Variants in TRAK1 observed in about 807,000 individuals in gnomAD.
TRAK1 encodes trafficking kinesin protein 1.
A neutral mutation model predicts 92.1 loss-of-function variants in TRAK1; 33 were observed. That is an observed-to-expected ratio of 0.36 (90% CI 0.27 to 0.48). The LOEUF (loss-of-function observed/expected upper bound fraction) is 0.48, where lower values mean the gene tolerates loss of function less well. Ranked by LOEUF, TRAK1 falls within the 20% of genes least tolerant of loss-of-function variation. TRAK1 has a pLI of 0.99. For synonymous variants in TRAK1, 521 were observed against 517.3 expected, an observed-to-expected ratio of 1.01 and a Z score of -0.10; for missense variants, 1,123 against 1,257.9, an observed-to-expected ratio of 0.89 and a Z score of 1.62.
chr3:42,031,509 C>T (rs994668708), intron 1 of TRAK1, among the ~76,000 whole-genome samples: 1 of 87,932 alleles, frequency 1.1e-5, no homozygotes, highest in African/African-American at 3.2e-5. Context: ...TGGTGTGCGC[C>T]TGTAGTCCTA....
At chr3:42,110,920 T>C (rs1348469499) in intron 1 of TRAK1, among the ~76,000 whole-genome samples, 2 of 152,190 alleles carry the variant, frequency 1.3e-5, no homozygotes, top group Non-Finnish European at 2.9e-5. Flanking sequence ...GCTCTGGCCC[T>C]GAGCAGACCC....
chr3:42,124,864 G>T (rs759755204), intron 1 of TRAK1, among the ~76,000 whole-genome samples: 2 of 152,198 alleles, frequency 1.3e-5, no homozygotes, highest in Non-Finnish European at 2.9e-5. Flanking sequence ...AGTGTTTCAA[G>T]GGCAGGACCA....
chr3:42,068,051 A>G (rs1703756629), intron 1 of TRAK1, among the ~76,000 whole-genome samples: 1 of 151,842 alleles, frequency 6.6e-6, no homozygotes, highest in South Asian at 2.1e-4. Flanking sequence ...GGTGCCTGTA[A>G]TGGGAGGCTG....
At chr3:42,189,889 C>T (rs1346662528) in intron 6 of TRAK1, among the ~76,000 whole-genome samples, 2 of 152,172 alleles carry the variant, frequency 1.3e-5, no homozygotes, top group Admixed American at 6.5e-5. Flanking sequence ...AACTTGGGGA[C>T]TCATGCTTTT....
At chr3:42,023,807 G>A (rs556367574) in intron 1 of TRAK1, among the ~76,000 whole-genome samples, 1 of 137,050 alleles carries the variant, frequency 7.3e-6, no homozygotes, top group East Asian at 2.3e-4. Context: ...AGGCTGGAGT[G>A]CAGTGGCACA....
intron 4 of TRAK1, among the ~76,000 whole-genome samples, chr3:42,185,973 CTTTTTTTTTTTTTT>C (rs1054954407): frequency 1.9e-4 from 16 of 83,978 alleles, no homozygotes; most frequent in Admixed American, 3.1e-4. Flanking sequence ...TGTGCCCAGC[CTTTTTTTTTTTTTT>C]TTTTTTTTTT....
At chr3:42,019,528 G>A (rs1379049627) in intron 1 of TRAK1, among the ~76,000 whole-genome samples, 8 of 152,190 alleles carry the variant, frequency 5.3e-5, no homozygotes, top group South Asian at 4.2e-4. Flanking sequence ...TTGGCCTCCC[G>A]AAGTACTGGG....
At chr3:42,064,993 T>C (rs909325580) in intron 1 of TRAK1, among the ~76,000 whole-genome samples, 3 of 151,726 alleles carry the variant, frequency 2.0e-5, no homozygotes, top group African/African-American at 7.3e-5. Context: ...AGGAGAATGG[T>C]GTGAATCCGG....
intron 1 of TRAK1, among the ~76,000 whole-genome samples, chr3:42,108,595 A>C (rs148744680): frequency 1.2e-3 from 176 of 152,144 alleles, no homozygotes; most frequent in Admixed American, 4.0e-3. Context: ...TTTGCATAGC[A>C]TGATGGGTAA....
chr3:42,020,647 AGG>A (rs1276943476), intron 1 of TRAK1, among the ~76,000 whole-genome samples: 3 of 152,218 alleles, frequency 2.0e-5, no homozygotes, highest in Non-Finnish European at 4.4e-5. Flanking sequence ...GTATATGCTC[AGG>A]AGTGGATCAT....
In TRAK1 at chr3:42,169,840, C is replaced by G. The variant is rs114891428; in HGVS notation, c.287-6974C>G. On this transcript the variant is annotated intron_variant, in intron 2 of 15. Transcript: ENST00000327628. ...AGCCTGGTCTAGGTGTCTGGGCAGA[C>G]TGTAAAAACTACAGATTTTACAAAA... Among the ~76,000 whole-genome samples, 159 of 152,264 alleles carry G rather than the reference C, an allele frequency of 1.0e-3. 1 individual carries two copies. Among genetic ancestry groups the G allele is most frequent in the African/African-American group, 3.8e-3 (157 of 41,526 alleles).
intron 1 of TRAK1, among the ~76,000 whole-genome samples, chr3:42,100,115 T>C (rs952280633): frequency 6.6e-6 from 1 of 152,148 alleles, no homozygotes; most frequent in Non-Finnish European, 1.5e-5. Context: ...ATTCCAGCAC[T>C]TTGGGAGGCC....
At chr3:42,058,772 C>T (rs150609551) in intron 1 of TRAK1, among the ~76,000 whole-genome samples, 4 of 152,320 alleles carry the variant, frequency 2.6e-5, no homozygotes, top group Non-Finnish European at 4.4e-5. Flanking sequence ...CTCCCACCCC[C>T]ACACACAACA....
At chr3:42,089,678 C>T (rs1704890408), upstream of TRAK1, among the ~76,000 whole-genome samples, 1 of 148,630 alleles carries the variant, frequency 6.7e-6, no homozygotes, top group Admixed American at 6.8e-5. Context: ...TTTTGTGACC[C>T]CCCCCCAATA....
chr3:42,189,011 C>G lies in TRAK1; in HGVS notation c.582-5C>G, dbSNP rs769392215. On this transcript the variant is annotated splice_region_variant and splice_polypyrimidine_tract_variant and intron_variant, in intron 5 of 15. Coordinates refer to ENST00000327628, the MANE Select transcript of TRAK1 (RefSeq NM_001042646.3). Reference sequence around the variant, plus strand: ...CCTAGGTTGTGAGCGTACTTTCTCCCCCAGGTTGAAGAGGAATGAGTCGTC... The same window carrying G: ...CCTAGGTTGTGAGCGTACTTTCTCCGCCAGGTTGAAGAGGAATGAGTCGTC... 6.2e-7 allele frequency: 1 copy of G among 1,606,724 alleles called. No individual in the cohort carries two copies. The highest frequency in any genetic ancestry group is 8.5e-7 in the Non-Finnish European group (1 of 1,173,502).
At chr3:42,180,582 A>G (rs1296694787) in intron 3 of TRAK1, among the ~76,000 whole-genome samples, 1 of 150,404 alleles carries the variant, frequency 6.6e-6, no homozygotes, top group Non-Finnish European at 1.5e-5. Flanking sequence ...CAGAAAGTGA[A>G]GTGGGAGGGT....
In TRAK1 at chr3:42,016,783, G is replaced by A. The variant is rs533612507; in HGVS notation, c.-519+2666G>A. ...GACAGTTCTTTTTTTACCCTTTGGG[G>A]CTCAAGTAAGAAAGGCATTGGAGGG... On this transcript the variant is annotated intron_variant, in intron 1 of 16. Coordinates refer to the TRAK1 transcript ENST00000487159. 2.6e-5 allele frequency among the ~76,000 whole-genome samples: 4 copies of A among 152,252 alleles called. No individual in the cohort carries two copies. The East Asian group carries it at 7.7e-4, about 29-fold the overall frequency.
chr3:42,134,220 T>C (rs1057116865), intron 2 of TRAK1, among the ~76,000 whole-genome samples: 6 of 22,680 alleles, frequency 2.6e-4, no homozygotes, highest in Non-Finnish European at 3.3e-4. Flanking sequence ...CCTCCCCTCC[T>C]CTCCTCTCCC....
At chr3:42,160,424 G>T (rs1317902210) in intron 2 of TRAK1, 2 of 1,614,118 alleles carry the variant, frequency 1.2e-6, no homozygotes, top group African/African-American at 2.7e-5. Flanking sequence ...AGGATGAAGA[G>T]AGGAAGCCAA....
Sources: gnomAD v4.1 joint callset for allele counts (sites outside exome capture counted in the v4.1 genomes callset) on GRCh38, gnomAD v4.1.1 for gene constraint, MANE v1.5 for transcripts, NCBI Gene and HGNC (gene_info 2026-07-23, HGNC 2026-07-21) for gene names.